Variants in KIFC3 observed in about 807,000 individuals in gnomAD.
The protein encoded by KIFC3 is kinesin-like protein KIFC3.
In KIFC3, 60 loss-of-function variants were observed where a neutral mutation model predicts 101.8. That is an observed-to-expected ratio of 0.59 (90% CI 0.48 to 0.73). KIFC3 has a LOEUF of 0.73. Among genes scored for constraint, KIFC3 ranks in the 30% least tolerant of loss-of-function variants. The pLI, the probability that KIFC3 is intolerant of heterozygous loss-of-function variation, is 0.00. For synonymous variants in KIFC3, 476 were observed against 482.7 expected (o/e 0.99, Z 0.18); for missense variants, 966 against 1,137.1 (o/e 0.85, Z 2.16).
chr16:57,820,947 T>A (rs1162269676), intron 1 of KIFC3, among the ~76,000 whole-genome samples: 1 of 151,796 alleles, frequency 6.6e-6, no homozygotes, highest in Non-Finnish European at 1.5e-5. Context: ...ACAGCAAGAC[T>A]CTGCATCTAC....
At chr16:57,862,193 C>CTTTTTTT (rs55718589) in intron 1 of KIFC3, among the ~76,000 whole-genome samples, 2 of 128,418 alleles carry the variant, frequency 1.6e-5, no homozygotes, top group African/African-American at 2.9e-5. Flanking sequence ...CTACATCTGG[C>CTTTTTTT]TTTTTTTTTT....
chr16:57,759,547 G>A (rs560540925), intron 18 of KIFC3, 181 bp downstream of exon 18: 11 of 591,090 alleles, frequency 1.9e-5, no homozygotes, highest in South Asian at 1.1e-4. Flanking sequence ...CCTGCAGAAC[G>A]GACACAGCAC....
intron 1 of KIFC3, chr16:57,810,529 A>T: frequency 3.1e-6 from 1 of 325,064 alleles, no homozygotes; most frequent in Non-Finnish European, 4.4e-6. Flanking sequence ...ACCAGCTTCC[A>T]GGTGACCGAG....
At chr16:57,776,364 C>T (rs2052091357) in intron 3 of KIFC3, 1 of 985,182 alleles carries the variant, frequency 1.0e-6, no homozygotes, top group African/African-American at 1.8e-5. Flanking sequence ...GTCCACGCCA[C>T]CCTGCCTCTG....
chr16:57,802,782 G>T, upstream of KIFC3: 1 of 750,680 alleles, frequency 1.3e-6, no homozygotes, highest in Non-Finnish European at 2.2e-6. The surrounding 1 kb of genome is among the most constrained non-coding windows in gnomAD (Gnocchi z 5.0). Flanking sequence ...CCTGCACACG[G>T]GCTGGCACAC....
intron 3 of KIFC3, chr16:57,788,789 G>A: frequency 8.0e-7 from 1 of 1,247,384 alleles, no homozygotes; most frequent in Non-Finnish European, 1.0e-6. Context: ...AGGATGGTGT[G>A]CTCCCGGAGC....
chr16:57,759,172 G>A lies in KIFC3; in HGVS notation c.2477-19C>T. 1.3e-6 allele frequency: 2 copies of A among 1,550,932 alleles called. No individual in the cohort carries two copies. The highest frequency in any genetic ancestry group is 1.7e-6 in the Non-Finnish European group (2 of 1,146,980). ...CGTCAGGCTGAAATCAAAGTGACAG[G>A]CGTCTCACTGGTGGGCTTGCCTTGG... On this transcript the variant is annotated intron_variant, in intron 18 of 19. Transcript: ENST00000445690.
chr16:57,761,600 C>A, intron 13 of KIFC3, 64 bp from the exon 14 acceptor site: 1 of 1,566,596 alleles, frequency 6.4e-7, no homozygotes, highest in Non-Finnish European at 8.6e-7. Flanking sequence ...GCACTGCACC[C>A]AGCCCCCCAG....
intron 3 of KIFC3, among the ~76,000 whole-genome samples, chr16:57,792,181 G>A (rs1450686355): frequency 3.9e-5 from 6 of 152,186 alleles, no homozygotes; most frequent in African/African-American, 9.7e-5. Flanking sequence ...AGGAGAACAT[G>A]GGGGAGTGGT....
intron 1 of KIFC3, chr16:57,813,601 C>A: frequency 2.4e-6 from 2 of 844,328 alleles, no homozygotes; most frequent in Non-Finnish European, 2.9e-6. Context: ...GCCCTGGGGT[C>A]AAACCTGCAT....
chr16:57,759,888 C>A, intron 17 of KIFC3, 52 bp from the exon 18 acceptor site: 2 of 1,400,776 alleles, frequency 1.4e-6, no homozygotes, highest in East Asian at 2.4e-5. Flanking sequence ...CCTGGCTCCC[C>A]ACCCTGCTGT....
At chr16:57,838,219 G>A (rs1376986094) in intron 1 of KIFC3, among the ~76,000 whole-genome samples, 1 of 152,126 alleles carries the variant, frequency 6.6e-6, no homozygotes. Flanking sequence ...CGCAGCCGGG[G>A]ATGGAATTAA....
At chr16:57,759,179 A>G in intron 18 of KIFC3, 26 bp from the exon 19 acceptor site, 3 of 1,550,878 alleles carry the variant, frequency 1.9e-6, no homozygotes, top group Non-Finnish European at 1.7e-6. Context: ...CAGGCGTCTC[A>G]CTGGTGGGCT....
intron 3 of KIFC3, among the ~76,000 whole-genome samples, chr16:57,792,161 G>A (rs1192804595): frequency 6.6e-6 from 1 of 152,232 alleles, no homozygotes; most frequent in Non-Finnish European, 1.5e-5. Context: ...ATCAGTGTGT[G>A]TGGATGGTCA....
chr16:57,834,307 A>G (rs1555479931), intron 1 of KIFC3, among the ~76,000 whole-genome samples: 1 of 152,168 alleles, frequency 6.6e-6, no homozygotes, highest in East Asian at 1.9e-4. Flanking sequence ...GGTCTTAACT[A>G]TTCTAGGCTG....
intron 3 of KIFC3, 69 bp from the exon 4 acceptor site, chr16:57,772,357 C>A: frequency 7.4e-7 from 1 of 1,354,464 alleles, no homozygotes; most frequent in Non-Finnish European, 1.1e-6. Flanking sequence ...AGGCCTCCTG[C>A]CCAGCACCAG....
In KIFC3 at chr16:57,769,987, G is replaced by A. The variant is rs762836979; in HGVS notation, c.940-32C>T. On this transcript the variant is annotated intron_variant, in intron 7 of 19. Transcript: ENST00000445690. This position sits in a 1 kb window ranked among gnomAD's most constrained non-coding sequence, Gnocchi z 4.3. Reference sequence around the variant, plus strand: ...AGACCAGGAAAAGGCTCAGTACCTCGAGGTGCGGGAGAGAGAGGGGCAGGT... The same window carrying A: ...AGACCAGGAAAAGGCTCAGTACCTCAAGGTGCGGGAGAGAGAGGGGCAGGT... 89 of 1,596,260 alleles carry A rather than the reference G, an allele frequency of 5.6e-5. 1 individual carries two copies. In the Admixed American group the frequency reaches 6.7e-4, roughly 12 times the overall value.
intron 17 of KIFC3, 187 bp from the exon 18 acceptor site, chr16:57,760,023 T>G: frequency 3.3e-6 from 2 of 613,162 alleles, no homozygotes; most frequent in East Asian, 2.8e-5. Flanking sequence ...TGTAAAGAAG[T>G]CAACTAGTTA....
intron 1 of KIFC3, among the ~76,000 whole-genome samples, chr16:57,820,720 A>C (rs989136551): frequency 2.0e-5 from 3 of 152,270 alleles, no homozygotes; most frequent in Admixed American, 2.0e-4. Context: ...TCATGAAGAC[A>C]AGAGGCAAGG....
Sources: allele counts gnomAD v4.1 joint callset (sites outside exome capture counted in the v4.1 genomes callset), GRCh38; gene constraint gnomAD v4.1.1; non-coding constraint Gnocchi (gnomAD v3.1); transcripts MANE v1.5; gene names NCBI Gene and HGNC (gene_info 2026-07-23, HGNC 2026-07-21).